SLC6A8: variants seen among roughly 807,000 people sequenced by gnomAD.
SLC6A8 encodes sodium- and chloride-dependent creatine transporter 1.
SLC6A8 carries 6 observed loss-of-function variants against 48.3 expected under a neutral mutation model. The observed-to-expected ratio is 0.12, with a 90% CI of 0.07 to 0.25. The LOEUF (loss-of-function observed/expected upper bound fraction) is 0.25. SLC6A8 is among the 10% of genes least tolerant of loss of function. SLC6A8 has a pLI of 1.00. For synonymous variants in SLC6A8, 245 were observed against 244.0 expected (o/e 1.00, Z -0.04); for missense variants, 260 against 551.5 (o/e 0.47, Z 5.29).
Position 153,696,569 on chromosome X carries a change from A to T in SLC6A8, c.*1355A>T. 1 of 301,495 alleles carries T rather than the reference A, an allele frequency of 3.3e-6. No homozygotes were observed. Among genetic ancestry groups the T allele is most frequent in the Non-Finnish European group, 6.5e-6 (1 of 154,214 alleles). 24.8% of individuals were successfully genotyped at this position (301,495 alleles called of 1,213,427 possible). ...AAAAGCCACTGCAGACATAGCAATA[A>T]AAACATGTCATTTTCCAAAGCAGGC... is the stretch of plus-strand genomic sequence containing the variant. On this transcript the variant is annotated 3_prime_UTR_variant, in exon 13 of 13. Transcript: ENST00000253122.
In SLC6A8 at chrX:153,693,096, G is replaced by A. The variant is rs782802482; in HGVS notation, c.833G>A (p.Arg278His). 4.1e-6 allele frequency: 5 copies of A among 1,210,476 alleles called. No individual in the cohort carries two copies. The Admixed American group carries it at 6.5e-5, about 16-fold the overall frequency. Residue 278 changes from arginine to histidine, a missense_variant, in exon 5 of 13, where the codon CGT becomes CAT. Coordinates refer to ENST00000253122, the MANE Select transcript of SLC6A8 (RefSeq NM_005629.4). ...GTGGTCCTGGTCGTGCTGCTGGTGC[G>A]TGGAGTGCTGCTGCCTGGCGCCCTG... Reference protein sequence around the residue: ...PYVVLVVLLVRGVLLPGALDG... With the variant: ...PYVVLVVLLVHGVLLPGALDG...
intron 4 of SLC6A8, 68 bp from the exon 5 acceptor site, chrX:153,692,973 G>A: frequency 8.5e-7 from 1 of 1,180,177 alleles, no homozygotes; most frequent in Non-Finnish European, 1.1e-6. Context: ...AGGGGGACCG[G>A]AGGCGCTGGG....
chrX:153,692,191 G>A (rs782705416), intron 4 of SLC6A8, 84 bp downstream of exon 4: 1 of 987,499 alleles, frequency 1.0e-6, no homozygotes, highest in Admixed American at 2.5e-5. Flanking sequence ...GGCAACGGGA[G>A]GTGACCAGAC....
At chrX:153,690,894 C>CCT (rs1557044297) in intron 2 of SLC6A8, 1 of 220,001 alleles carries the variant, frequency 4.5e-6, no homozygotes, top group African/African-American at 4.3e-5. Context: ...GACTAGAAAC[C>CCT]CCCCCCCCCC....
rs782447461 is a variant in SLC6A8 at position 153,692,073 on chromosome X, T to A, written c.743T>A (p.Phe248Tyr). The change falls in exon 4 of 13, where the codon TTC becomes TAC. Residue 248 changes from phenylalanine (F) to tyrosine (Y), a missense_variant. Phe to Tyr is a conservative substitution (Grantham distance 22, BLOSUM62 3). This residue lies in a region of SLC6A8 where 75 missense variants were observed against 248.8 expected (regional missense o/e 0.30). Transcript: ENST00000253122. ...CLLACWVLVYFCVWKGVKSTG... is the reference protein window; with the variant it reads ...CLLACWVLVYYCVWKGVKSTG... Reference sequence around the variant, plus strand: ...CTGGCCTGCTGGGTGCTGGTCTACTTCTGTGTCTGGAAGGGGGTCAAATCC... The same window carrying A: ...CTGGCCTGCTGGGTGCTGGTCTACTACTGTGTCTGGAAGGGGGTCAAATCC... The A allele has an allele frequency of 8.3e-7, 1 of 1,205,318 alleles. No individual in the cohort carries two copies. The highest frequency in any genetic ancestry group is 1.1e-6 in the Non-Finnish European group (1 of 891,751).
At chrX:153,691,272 G>T in intron 2 of SLC6A8, 32 bp from the exon 3 acceptor site, 1 of 1,172,068 alleles carries the variant, frequency 8.5e-7, no homozygotes, top group East Asian at 3.2e-5. Flanking sequence ...GGCCAGGGAA[G>T]AATCTACATG....
At chrX:153,692,251 C>T (rs782725087) in intron 4 of SLC6A8, 144 bp downstream of exon 4, 3 of 627,252 alleles carry the variant, frequency 4.8e-6, no homozygotes, top group East Asian at 3.7e-5. Flanking sequence ...AGCAATGCTC[C>T]CCACCCTGCA....
At chrX:153,691,236 GA>G in intron 2 of SLC6A8, 67 bp from the exon 3 acceptor site, 2 of 1,127,484 alleles carry the variant, frequency 1.8e-6, no homozygotes, top group East Asian at 6.5e-5. Context: ...CCTGGGTGGG[GA>G]CATAAAGGGG....
intron 2 of SLC6A8, chrX:153,690,929 T>G: frequency 4.3e-6 from 1 of 235,236 alleles, no homozygotes; most frequent in Non-Finnish European, 7.8e-6. Flanking sequence ...CACCAGCTGC[T>G]GAGGACTGGA....
At position 153,695,801 on chromosome X, in the gene SLC6A8, G is replaced by C. The variant is rs2091487673; in HGVS notation, c.*587G>C. 7.1e-6 allele frequency: 1 copy of C among 140,715 alleles called. No homozygotes were observed. Among genetic ancestry groups the C allele is most frequent in the East Asian group, 1.9e-4 (1 of 5,316 alleles). 11.6% of individuals were successfully genotyped at this position (140,715 alleles called of 1,213,427 possible). ...GCGCCAATCGCCACCAGTATCAATTGTGTGAGCTTGGGTGCGAGTGCACGC... is the reference window on the plus strand; with the variant it reads ...GCGCCAATCGCCACCAGTATCAATTCTGTGAGCTTGGGTGCGAGTGCACGC... On this transcript the variant is annotated 3_prime_UTR_variant, in exon 13 of 13. Transcript: ENST00000253122.
At position 153,688,159 on chromosome X, in the gene SLC6A8, G is replaced by T. The variant is rs1180294150; in HGVS notation, c.-416G>T. On this transcript the variant is annotated 5_prime_UTR_variant, in exon 1 of 13. Transcript: ENST00000253122. Reference sequence around the variant, plus strand: ...GCCACAGGCCCCTGCTCCGGCCGCCGCTTGCAGACCGCGGGCGCCGATGTC... The same window carrying T: ...GCCACAGGCCCCTGCTCCGGCCGCCTCTTGCAGACCGCGGGCGCCGATGTC... The T allele has an allele frequency of 1.0e-5, 1 of 97,967 alleles. No homozygotes were observed. Among genetic ancestry groups the T allele is most frequent in the African/African-American group, 3.7e-5 (1 of 27,328 alleles). 8.1% of individuals were successfully genotyped at this position (97,967 alleles called of 1,213,427 possible). A position where few individuals can be genotyped will look rare whatever the true frequency, so the allele number is the denominator to read the frequency against.
chrX:153,691,848 A>T, intron 3 of SLC6A8, 127 bp from the exon 4 acceptor site: 2 of 808,934 alleles, frequency 2.5e-6, no homozygotes, highest in Non-Finnish European at 3.6e-6. Context: ...GCCCAGCCCA[A>T]TTGGACAAGA....
intron 4 of SLC6A8, 26 bp from the exon 5 acceptor site, chrX:153,693,015 C>T: frequency 8.3e-7 from 1 of 1,210,056 alleles, no homozygotes. Context: ...GTGCCACAGC[C>T]TCCGCTGAGC....
chrX:153,692,675 C>T (rs1471068541), intron 4 of SLC6A8: 4 of 356,899 alleles, frequency 1.1e-5, no homozygotes, highest in South Asian at 2.6e-5. Flanking sequence ...GGACCCGACC[C>T]GGATCCAATA....
In SLC6A8 at chrX:153,695,103, G is replaced by A; in HGVS notation, c.1797G>A (p.Trp599Ter). The A allele has an allele frequency of 8.3e-7, 1 of 1,203,717 alleles. No individual in the cohort carries two copies. Among genetic ancestry groups the A allele is most frequent in the Non-Finnish European group, 1.1e-6 (1 of 891,377 alleles). Residue 599 changes from tryptophan (W) to a stop codon, truncating the protein, a stop_gained, in exon 13 of 13, where the codon TGG becomes TGA. Coordinates refer to ENST00000253122, the MANE Select transcript of SLC6A8 (RefSeq NM_005629.4). LOFTEE classifies it high-confidence loss of function. Reference sequence around the variant, plus strand: ...GGCAGCACCTGACCCAGCCCATCTGGGGCCTCCACCACTTGGAGTACCGAG... The same window carrying A: ...GGCAGCACCTGACCCAGCCCATCTGAGGCCTCCACCACTTGGAGTACCGAG... ...ERWQHLTQPIWGLHHLEYRAQ... is the reference protein window; with the variant it reads ...ERWQHLTQPI
At position 153,694,571 on chromosome X, in the gene SLC6A8, G is replaced by A; in HGVS notation, c.1534G>A (p.Gly512Arg). 8.3e-7 allele frequency: 1 copy of A among 1,210,228 alleles called. No individual in the cohort carries two copies. The highest frequency in any genetic ancestry group is 1.1e-6 in the Non-Finnish European group (1 of 894,608). Residue 512 changes from glycine (G) to arginine (R), a missense_variant, in exon 11 of 13, where the codon GGG (glycine) becomes AGG (arginine). This residue lies in a region of SLC6A8 where 87 missense variants were observed against 120.9 expected (regional missense o/e 0.72). Coordinates refer to ENST00000253122, the MANE Select transcript of SLC6A8 (RefSeq NM_005629.4). ...RFMDDIACMIGYRPCPWMKWC... is the reference protein window; with the variant it reads ...RFMDDIACMIRYRPCPWMKWC... ...CATGGACGACATTGCCTGTATGATC[G>A]GGTACCGACCTTGCCCCTGGATGAA...
At position 153,691,329 on chromosome X, in the gene SLC6A8, C is replaced by T. The variant is rs2091455049; in HGVS notation, c.420C>T (p.Ile140=). 4 of 1,206,180 alleles carry T rather than the reference C, an allele frequency of 3.3e-6. No individual in the cohort carries two copies. Among genetic ancestry groups the T allele is most frequent in the Non-Finnish European group, 3.4e-6 (3 of 892,611 alleles). The change falls in exon 3 of 13, where the codon ATC becomes ATT. Residue 140 remains isoleucine, a synonymous_variant. Coordinates refer to ENST00000253122, the MANE Select transcript of SLC6A8 (RefSeq NM_005629.4). ...FKGLGYASMV[I]VFYCNTYYIM... ...GCCTGGGCTACGCCTCCATGGTGAT[C>T]GTCTTCTACTGCAACACCTACTACA... is the stretch of plus-strand genomic sequence containing the variant.
Position 153,695,206 on chromosome X carries a change from G to A in SLC6A8, c.1900G>A (p.Val634Ile). The A allele has an allele frequency of 8.4e-7, 1 of 1,184,204 alleles. No homozygotes were observed. ...ESSKVVVVES[V>I]M The stretch of plus-strand genomic sequence containing the variant: ...CAGCAAGGTCGTCGTGGTGGAGAGT[G>A]TCATGTGACAACTCAGCTCACATCA... The change falls in exon 13 of 13, where the codon GTC becomes ATC. Residue 634 changes from valine (V) to isoleucine (I), a missense_variant. Physicochemically the swap from Val to Ile is conservative, Grantham distance 29. Coordinates refer to ENST00000253122, the MANE Select transcript of SLC6A8 (RefSeq NM_005629.4).
chrX:153,690,217 C>G (rs1569539240), intron 1 of SLC6A8, among the ~76,000 whole-genome samples, 158 bp from the exon 2 acceptor site: 1 of 112,499 alleles, frequency 8.9e-6, no homozygotes, highest in Non-Finnish European at 1.9e-5. Flanking sequence ...CAACCCACCC[C>G]CTCAAGACTC....
Sources: gnomAD v4.1 joint callset for allele counts (sites outside exome capture counted in the v4.1 genomes callset) on GRCh38, gnomAD v4.1.1 for gene constraint, gnomAD v4.1.1 regional missense constraint, MANE v1.5 for transcripts, NCBI Gene and HGNC (gene_info 2026-07-23, HGNC 2026-07-21) for gene names.